Variants in SCAF1 observed in about 807,000 individuals in gnomAD.
SCAF1 encodes splicing factor, arginine/serine-rich 19.
Under a neutral mutation model 91.2 loss-of-function variants are expected in SCAF1, and 28 were observed. The ratio of observed to expected loss-of-function variants is 0.31; its 90% CI spans 0.23 to 0.42. The LOEUF is 0.42. Among genes scored for constraint, SCAF1 ranks in the 10% least tolerant of loss-of-function variants. The pLI, the probability that SCAF1 is intolerant of heterozygous loss-of-function variation, is 1.00. For missense variants in SCAF1, 1,893 were observed against 1,872.1 expected, an observed-to-expected ratio of 1.01 and a Z score of -0.21; for synonymous variants, 1,036 against 833.7, an observed-to-expected ratio of 1.24 and a Z score of -4.18.
chr19:49,648,548 C>A (rs1209591047), intron 6 of SCAF1, among the ~76,000 whole-genome samples: 1 of 148,614 alleles, frequency 6.7e-6, no homozygotes, highest in African/African-American at 2.5e-5. Context: ...CATGAGCCAC[C>A]ATGCCTGCCA....
chr19:49,646,763 A>G lies in SCAF1; in HGVS notation c.411A>G (p.Arg137=). 2 of 1,613,964 alleles carry G rather than the reference A, an allele frequency of 1.2e-6. No individual in the cohort carries two copies. Among genetic ancestry groups the G allele is most frequent in the Non-Finnish European group, 1.7e-6 (2 of 1,180,018 alleles). ...ELVAEVRIGD[R]DPIPLPVPSL... ...TGGCTGAGGTCCGAATCGGGGACAG[A>G]GATCCCATCCCTCTGCCTGTGCCCA... Residue 137 remains arginine, a synonymous_variant, in exon 6 of 11, where the codon AGA becomes AGG. Coordinates refer to ENST00000360565, the MANE Select transcript of SCAF1 (RefSeq NM_021228.3). The surrounding 1 kb of genome is among the most constrained non-coding windows in gnomAD (Gnocchi z 5.6).
rs1027047538 is a variant in SCAF1, at chr19:49,645,239, C to A, written c.108+105C>A. ...GGCAGGGGCGCTGGACTCTTGGCTC[C>A]CTTGAAGCACTTGAGTCTAGCTGTC... On this transcript the variant is annotated intron_variant, in intron 2 of 10. Coordinates refer to ENST00000360565, the MANE Select transcript of SCAF1 (RefSeq NM_021228.3). This position sits in a 1 kb window ranked among gnomAD's most constrained non-coding sequence, Gnocchi z 4.6. The A allele has an allele frequency of 7.4e-6, 11 of 1,495,530 alleles. No homozygotes were observed. The highest frequency in any genetic ancestry group is 1.4e-5 in the African/African-American group (1 of 72,248). The allele number at this position is 1,495,530 out of a possible 1,614,324, so 92.6% of individuals were successfully genotyped here.
At chr19:49,650,372 C>G (rs768239939) in intron 6 of SCAF1, among the ~76,000 whole-genome samples, 1 of 152,238 alleles carries the variant, frequency 6.6e-6, no homozygotes, top group Non-Finnish European at 1.5e-5. Flanking sequence ...TGGAGGGGGA[C>G]TTAGGTTTGA....
At position 49,651,236 on chromosome 19, in the gene SCAF1, G is replaced by C; in HGVS notation, c.847G>C (p.Asp283His). 1 of 1,613,002 alleles carries C rather than the reference G, an allele frequency of 6.2e-7. No homozygotes were observed. Among genetic ancestry groups the C allele is most frequent in the Non-Finnish European group, 8.5e-7 (1 of 1,179,852 alleles). The change falls in exon 7 of 11, where the codon GAC becomes CAC. Residue 283 changes from aspartate (D) to histidine (H), a missense_variant. Asp to His is a moderately conservative substitution (Grantham distance 81). Around this residue, in one of 5 missense-constraint regions of SCAF1, gnomAD observed 80 missense variants for 116.6 expected, o/e 0.69. Coordinates refer to ENST00000360565, the MANE Select transcript of SCAF1 (RefSeq NM_021228.3). Reference sequence around the variant, plus strand: ...AGAGGAAGAAGAAGAGGAAGAGGAAGACGAGGAGGAGGAGGAAGGCCTGTC... The same window carrying C: ...AGAGGAAGAAGAAGAGGAAGAGGAACACGAGGAGGAGGAGGAAGGCCTGTC... ...EEEEEEEEEE[D>H]EEEEEGLSQS...
At position 49,652,583 on chromosome 19, in the gene SCAF1, T is replaced by G; in HGVS notation, c.2194T>G (p.Tyr732Asp). ...CTCCTCACCTAAGCGGGAGGTCCTG[T>G]ACGACTCCGAGGGACTGAGCGGCGA... is the stretch of plus-strand genomic sequence containing the variant. ...PASSPKREVL[Y>D]DSEGLSGEER... The change falls in exon 7 of 11, where the codon TAC becomes GAC. Residue 732 changes from tyrosine (Y) to aspartate (D), a missense_variant. By Grantham distance (160) the Tyr-to-Asp change is radical. Around this residue, in one of 5 missense-constraint regions of SCAF1, gnomAD observed 1,436 missense variants for 1,306.8 expected, o/e 1.10. Transcript: ENST00000360565. 6.4e-7 allele frequency: 1 copy of G among 1,569,742 alleles called. No homozygotes were observed. Among genetic ancestry groups the G allele is most frequent in the Non-Finnish European group, 8.6e-7 (1 of 1,157,170 alleles).
Position 49,646,451 on chromosome 19 carries a change from T to G in SCAF1, c.262-75T>G, listed in dbSNP as rs1022324409. On this transcript the variant is annotated intron_variant, in intron 4 of 10. Coordinates refer to ENST00000360565, the MANE Select transcript of SCAF1 (RefSeq NM_021228.3). This position sits in a 1 kb window ranked among gnomAD's most constrained non-coding sequence, Gnocchi z 5.6. ...TTAGATGTCTGGGTTCCTGAGAGGT[T>G]AGGGAGTGGGGAAGCAGGATTTGCC... 2 of 1,307,894 alleles carry G rather than the reference T, an allele frequency of 1.5e-6. No individual in the cohort carries two copies. The highest frequency in any genetic ancestry group is 1.1e-6 in the Non-Finnish European group (1 of 906,242). 81.0% of individuals were successfully genotyped at this position (1,307,894 alleles called of 1,614,324 possible).
At chr19:49,655,075 G>A (rs1224110153) in intron 9 of SCAF1, among the ~76,000 whole-genome samples, 1 of 152,164 alleles carries the variant, frequency 6.6e-6, no homozygotes, top group Non-Finnish European at 1.5e-5. Flanking sequence ...AAGGAAAATC[G>A]CGTCTGTGCG....
chr19:49,640,793 C>G (rs2081022443), upstream of SCAF1, among the ~76,000 whole-genome samples: 1 of 152,188 alleles, frequency 6.6e-6, no homozygotes, highest in African/African-American at 2.4e-5. Context: ...GCCGTGAGAT[C>G]ACTGCATTCC....
Position 49,645,403 on chromosome 19 carries a change from A to T in SCAF1, c.158A>T (p.Asn53Ile), listed in dbSNP as rs775266614. 8 of 1,613,468 alleles carry T rather than the reference A, an allele frequency of 5.0e-6. No individual in the cohort carries two copies. The Admixed American group carries it at 1.0e-4, about 20-fold the overall frequency. The change falls in exon 3 of 11, where the codon AAT (asparagine) becomes ATT (isoleucine). Residue 53 changes from asparagine (N) to isoleucine (I), a missense_variant. Asn to Ile is a moderately radical substitution (Grantham distance 149, BLOSUM62 -3). Around this residue, in one of 5 missense-constraint regions of SCAF1, gnomAD observed 270 missense variants for 292.5 expected, o/e 0.92. Transcript: ENST00000360565. The surrounding 1 kb of genome is among the most constrained non-coding windows in gnomAD (Gnocchi z 4.6). ...AGCTCCCTGCAGGGGGACCTGCCCA[A>T]TGATAAAGGTATGGCGGCTTCCGGT... ...VGSSLQGDLP[N>I]DKDGSRCHGL...
upstream of SCAF1, among the ~76,000 whole-genome samples, chr19:49,641,771 G>A (rs562967296): frequency 6.6e-6 from 1 of 152,324 alleles, no homozygotes; most frequent in East Asian, 1.9e-4. Flanking sequence ...GGGCCTAGAG[G>A]ATCTGGATTC....
Position 49,658,323 on chromosome 19 carries a change from C to G in SCAF1, c.3863C>G (p.Pro1288Arg). The G allele has an allele frequency of 6.3e-7, 1 of 1,599,868 alleles. No homozygotes were observed. The highest frequency in any genetic ancestry group is 8.5e-7 in the Non-Finnish European group (1 of 1,173,988). Residue 1288 changes from proline (P) to arginine (R), a missense_variant, in exon 11 of 11, where the codon CCA (proline) becomes CGA (arginine). Around this residue, in one of 5 missense-constraint regions of SCAF1, gnomAD observed 51 missense variants for 49.9 expected, o/e 1.02. Coordinates refer to ENST00000360565, the MANE Select transcript of SCAF1 (RefSeq NM_021228.3). ...RKHGRKPGDP[P>R]GPPRPPKEPG... ...CACGGTCGCAAGCCAGGGGACCCCC[C>G]AGGGCCCCCACGGCCGCCCAAGGAG...
In SCAF1 at chr19:49,658,619, C is replaced by A; in HGVS notation, c.*220C>A. The A allele has an allele frequency of 1.7e-6, 1 of 575,808 alleles. No individual in the cohort carries two copies. Among genetic ancestry groups the A allele is most frequent in the Non-Finnish European group, 3.1e-6 (1 of 324,446 alleles). 35.7% of individuals were successfully genotyped at this position (575,808 alleles called of 1,614,324 possible). A position where few individuals can be genotyped will look rare whatever the true frequency, so the allele number is the denominator to read the frequency against. ...CTGTTTGTGCCCCTCTCCCCAATTT[C>A]ATTAAAGATTTCATGAAACATTACC... is the stretch of plus-strand genomic sequence containing the variant. On this transcript the variant is annotated 3_prime_UTR_variant, in exon 11 of 11. Transcript: ENST00000360565.
chr19:49,642,083 G>A (rs1599817737), upstream of SCAF1: 1 of 152,256 alleles, frequency 6.6e-6, no homozygotes, highest in African/African-American at 2.4e-5. This position sits in a 1 kb window ranked among gnomAD's most constrained non-coding sequence, Gnocchi z 4.0. Flanking sequence ...AACCGAGTGC[G>A]GTTGCCTTCC....
rs189349094 is a variant in SCAF1 at position 49,642,643 on chromosome 19, C to T, written c.-7+401C>T. 3.8e-3 allele frequency: 585 copies of T among 152,340 alleles called. 1 individual carries two copies. Among genetic ancestry groups the T allele is most frequent in the Non-Finnish European group, 7.2e-3 (491 of 68,100 alleles). 9.4% of individuals were successfully genotyped at this position (152,340 alleles called of 1,614,324 possible). A position where few individuals can be genotyped will look rare whatever the true frequency, so the allele number is the denominator to read the frequency against. ...GCCATCTTGAGATCTTGAGATATGT[C>T]CCAGGGGTGAAGGAGGGTCTGCAAG... On this transcript the variant is annotated intron_variant, in intron 1 of 10. Coordinates refer to ENST00000360565, the MANE Select transcript of SCAF1 (RefSeq NM_021228.3). This position sits in a 1 kb window ranked among gnomAD's most constrained non-coding sequence, Gnocchi z 4.0.
chr19:49,647,035 CGT>C (rs1237663028), intron 6 of SCAF1, among the ~76,000 whole-genome samples: 1 of 152,232 alleles, frequency 6.6e-6, no homozygotes, highest in Non-Finnish European at 1.5e-5. Flanking sequence ...GAGTGGTCAG[CGT>C]GTGTGACAAC....
At position 49,658,376 on chromosome 19, in the gene SCAF1, G is replaced by A. The variant is rs1476300748; in HGVS notation, c.3916G>A (p.Gly1306Ser). Reference protein sequence around the residue: ...EPGPPDKGGPGLPLPPL With the variant: ...EPGPPDKGGPSLPLPPL ...AGGGCCCCCAGACAAGGGTGGCCCG[G>A]GCCTGCCCCTGCCCCCTCTCTGAGA... is the stretch of plus-strand genomic sequence containing the variant. Residue 1306 changes from glycine (G) to serine (S), a missense_variant, in exon 11 of 11, where the codon GGC becomes AGC. This residue lies in a region of SCAF1 where 51 missense variants were observed against 49.9 expected (regional missense o/e 1.02). Transcript: ENST00000360565. The A allele has an allele frequency of 1.9e-6, 3 of 1,553,252 alleles. No homozygotes were observed. The highest frequency in any genetic ancestry group is 3.9e-5 in the Admixed American group (2 of 51,688).
At position 49,652,406 on chromosome 19, in the gene SCAF1, A is replaced by T. The variant is rs763895281; in HGVS notation, c.2017A>T (p.Thr673Ser). 11 of 1,589,594 alleles carry T rather than the reference A, an allele frequency of 6.9e-6. No individual in the cohort carries two copies. Among genetic ancestry groups the T allele is most frequent in the Non-Finnish European group, 9.4e-6 (11 of 1,172,146 alleles). Residue 673 changes from threonine (T) to serine (S), a missense_variant, in exon 7 of 11, where the codon ACC (threonine) becomes TCC (serine). Around this residue, in one of 5 missense-constraint regions of SCAF1, gnomAD observed 1,436 missense variants for 1,306.8 expected, o/e 1.10. Coordinates refer to ENST00000360565, the MANE Select transcript of SCAF1 (RefSeq NM_021228.3). ...GCCCGCCCCGCCGCCCTCTGGCTCC[A>T]CCTCGTGTGGTGACCGCGACAGCCG... ...PAPAPPPSGS[T>S]SCGDRDSRRR... is the part of the protein sequence containing the mutation.
At chr19:49,649,935 C>T (rs977998058) in intron 6 of SCAF1, among the ~76,000 whole-genome samples, 7 of 152,218 alleles carry the variant, frequency 4.6e-5, no homozygotes, top group East Asian at 1.9e-4. Context: ...GTGCTGCCCT[C>T]TTGACCCCTC....
Position 49,646,313 on chromosome 19 carries a change from A to G in SCAF1, c.261+111A>G. ...GGGGACCTGGACTCCTGGCTCTGCG[A>G]TGCTGACCAGGGGCAATGTTGGAGA... On this transcript the variant is annotated intron_variant, in intron 4 of 10. Transcript: ENST00000360565. This position sits in a 1 kb window ranked among gnomAD's most constrained non-coding sequence, Gnocchi z 5.6. 1.0e-6 allele frequency: 1 copy of G among 1,004,158 alleles called. No individual in the cohort carries two copies. The highest frequency in any genetic ancestry group is 1.5e-6 in the Non-Finnish European group (1 of 688,692). 62.2% of individuals were successfully genotyped at this position (1,004,158 alleles called of 1,614,324 possible).
Sources: gnomAD v4.1 joint callset for allele counts (sites outside exome capture counted in the v4.1 genomes callset) on GRCh38, gnomAD v4.1.1 for gene constraint, gnomAD v4.1.1 regional missense constraint, Gnocchi (gnomAD v3.1) non-coding constraint, MANE v1.5 for transcripts, NCBI Gene and HGNC (gene_info 2026-07-23, HGNC 2026-07-21) for gene names.